WIPF3: variants seen among roughly 807,000 people sequenced by gnomAD.
The protein encoded by WIPF3 is WAS/WASL interacting protein family member 3.
A neutral mutation model predicts 38.9 loss-of-function variants in WIPF3; 33 were observed. The ratio of observed to expected loss-of-function variants is 0.85; its 90% CI spans 0.64 to 1.14. WIPF3 has a LOEUF of 1.14. Among genes scored for constraint, WIPF3 ranks in the 50% most tolerant of loss-of-function variants. The pLI is 0.00. For synonymous variants in WIPF3, 324 were observed against 269.3 expected (o/e 1.20, Z -1.99); for missense variants, 711 against 652.5 (o/e 1.09, Z -0.98).
chr7:29,807,095 G>T (rs944201287), intron 1 of WIPF3, among the ~76,000 whole-genome samples: 3 of 152,120 alleles, frequency 2.0e-5, no homozygotes, highest in African/African-American at 7.2e-5. Context: ...AAAGGCTGGG[G>T]TCTCGCTGGG....
At chr7:29,834,506 C>T (rs1452795361) in intron 1 of WIPF3, among the ~76,000 whole-genome samples, 162 bp from the exon 2 acceptor site, 1 of 152,132 alleles carries the variant, frequency 6.6e-6, no homozygotes, top group African/African-American at 2.4e-5. Context: ...CAAAGCTTGC[C>T]TCAGAGTGGG....
intron 2 of WIPF3, among the ~76,000 whole-genome samples, chr7:29,857,634 T>G (rs1785206886): frequency 6.6e-6 from 1 of 152,228 alleles, no homozygotes; most frequent in Non-Finnish European, 1.5e-5. Context: ...ACCTGGGGTT[T>G]CTACATTCTC....
chr7:29,812,900 A>G (rs1784401415), intron 1 of WIPF3, among the ~76,000 whole-genome samples: 1 of 152,194 alleles, frequency 6.6e-6, no homozygotes, highest in Non-Finnish European at 1.5e-5. Flanking sequence ...AGAGAATGAA[A>G]TGCACCCAAC....
chr7:29,897,038 T>A (rs1041725466), intron 7 of WIPF3, among the ~76,000 whole-genome samples: 6 of 152,234 alleles, frequency 3.9e-5, no homozygotes, highest in African/African-American at 1.4e-4. Context: ...TCTCTGTCTC[T>A]ATTAATTTCA....
chr7:29,829,060 A>G (rs1784674269), intron 1 of WIPF3, among the ~76,000 whole-genome samples: 1 of 152,104 alleles, frequency 6.6e-6, no homozygotes, highest in African/African-American at 2.4e-5. Flanking sequence ...GCTTACTAGA[A>G]CAGACTCCTT....
chr7:29,812,609 C>T (rs1161374901), intron 1 of WIPF3, among the ~76,000 whole-genome samples: 5 of 152,180 alleles, frequency 3.3e-5, no homozygotes, highest in East Asian at 1.9e-4. Context: ...GGACTTCCAC[C>T]TGCATCTCAT....
At chr7:29,882,079 C>T (rs740144) in intron 4 of WIPF3, among the ~76,000 whole-genome samples, 17,926 of 152,250 alleles carry the variant, frequency 0.12, 1,175 homozygotes, top group Middle Eastern at 0.15. Context: ...GCTTCTGCTG[C>T]GCATGTTAGG....
At chr7:29,825,674 T>A (rs1176769473) in intron 1 of WIPF3, among the ~76,000 whole-genome samples, 2 of 152,194 alleles carry the variant, frequency 1.3e-5, no homozygotes, top group Non-Finnish European at 2.9e-5. Flanking sequence ...CACCAAATAC[T>A]GTTCAAAAAT....
intron 8 of WIPF3, among the ~76,000 whole-genome samples, chr7:29,914,169 G>A (rs1371514346): frequency 6.6e-6 from 1 of 152,172 alleles, no homozygotes; most frequent in Non-Finnish European, 1.5e-5. Flanking sequence ...CTTTTCCACT[G>A]CCTTAACTTG....
At chr7:29,822,331 A>C (rs1310948976) in intron 1 of WIPF3, among the ~76,000 whole-genome samples, 2 of 152,034 alleles carry the variant, frequency 1.3e-5, no homozygotes, top group African/African-American at 4.8e-5. Context: ...GTGTGTTATA[A>C]GACTCATTGA....
intron 5 of WIPF3, among the ~76,000 whole-genome samples, chr7:29,886,405 G>A (rs1785883610): frequency 7.0e-6 from 1 of 143,708 alleles, no homozygotes; most frequent in African/African-American, 2.6e-5. Context: ...CATCTAGGCT[G>A]GAGTGCAGTG....
At chr7:29,854,431 C>T (rs982705467) in intron 2 of WIPF3, among the ~76,000 whole-genome samples, 1 of 152,174 alleles carries the variant, frequency 6.6e-6, no homozygotes, top group Non-Finnish European at 1.5e-5. Context: ...CACTGATGAT[C>T]AGTATTAATG....
Position 29,823,413 on chromosome 7 carries a change from T to C in WIPF3, c.-57-11255T>C, listed in dbSNP as rs1314460506. ...CCACGCCGATAATGAGGTCTACCAT[T>C]GGACAGAAACTTTGACAGTTCTCTT... On this transcript the variant is annotated intron_variant, in intron 1 of 8. Transcript: ENST00000242140. The surrounding 1 kb of genome is among the most constrained non-coding windows in gnomAD (Gnocchi z 4.0). Among the ~76,000 whole-genome samples, 1 of 152,248 alleles carries C rather than the reference T, an allele frequency of 6.6e-6. No individual in the cohort carries two copies. Among genetic ancestry groups the C allele is most frequent in the Non-Finnish European group, 1.5e-5 (1 of 68,038 alleles).
intron 1 of WIPF3, among the ~76,000 whole-genome samples, chr7:29,811,572 C>T (rs1384823604): frequency 6.6e-6 from 1 of 152,244 alleles, no homozygotes; most frequent in East Asian, 1.9e-4. Context: ...CCACAGTGAC[C>T]ATGAGATAAA....
intron 7 of WIPF3, among the ~76,000 whole-genome samples, chr7:29,891,208 AGGGCCTGCCCTGTGCT>A (rs1487921330): frequency 0.012 from 504 of 41,220 alleles, 25 homozygotes; most frequent in African/African-American, 0.046. Context: ...GGAGGGGGCG[AGGGCCTGCCCTGTGCT>A]CAGGTGGAGG....
intron 2 of WIPF3, among the ~76,000 whole-genome samples, chr7:29,855,111 T>A (rs1785167335): frequency 6.6e-6 from 1 of 152,210 alleles, no homozygotes; most frequent in South Asian, 2.1e-4. Context: ...CCAGCTTCCA[T>A]CCTCTGAGAT....
chr7:29,872,733 T>C (rs1004431574), intron 2 of WIPF3, among the ~76,000 whole-genome samples: 2 of 142,076 alleles, frequency 1.4e-5, no homozygotes, highest in African/African-American at 5.4e-5. Context: ...GAAGCGGAGC[T>C]TGCAGTGAGC....
At chr7:29,862,623 G>A (rs749035678) in intron 2 of WIPF3, among the ~76,000 whole-genome samples, 2 of 152,196 alleles carry the variant, frequency 1.3e-5, no homozygotes. Context: ...GTTTGTGTCC[G>A]TTAATGGGGC....
intron 4 of WIPF3, among the ~76,000 whole-genome samples, chr7:29,880,891 A>G (rs1785701229): frequency 6.6e-6 from 1 of 151,926 alleles, no homozygotes; most frequent in African/African-American, 2.4e-5. Flanking sequence ...CCCCCTTCTC[A>G]TCAGAGGAAG....
Sources: gnomAD v4.1 joint callset for allele counts (sites outside exome capture counted in the v4.1 genomes callset) on GRCh38, gnomAD v4.1.1 for gene constraint, Gnocchi (gnomAD v3.1) non-coding constraint, MANE v1.5 for transcripts, NCBI Gene and HGNC (gene_info 2026-07-23, HGNC 2026-07-21) for gene names.